The following UTS2 variants were observed in gnomAD, a reference collection of about 807,000 sequenced individuals.
The protein encoded by UTS2 is urotensin 2.
In UTS2, 10 loss-of-function variants were observed where a neutral mutation model predicts 12.6. That is an observed-to-expected ratio of 0.80 (90% CI 0.49 to 1.35). UTS2 has a LOEUF of 1.35. Ranked by LOEUF, UTS2 falls within the 40% of genes most tolerant of loss-of-function variation. UTS2 has a pLI of 0.00. For missense variants in UTS2, 142 were observed against 143.2 expected, an observed-to-expected ratio of 0.99 and a Z score of 0.04; for synonymous variants, 52 against 50.0, an observed-to-expected ratio of 1.04 and a Z score of -0.17.
the UTS2 span, among the ~76,000 whole-genome samples, chr1:7,884,666 C>T: frequency 2.0e-4 from 30 of 152,228 alleles, no homozygotes; most frequent in South Asian, 6.2e-3. Context: ...GACCACTTTT[C>T]CAAAAGATAA....
At chr1:7,881,354 C>T in the UTS2 span, among the ~76,000 whole-genome samples, 1 of 152,104 alleles carries the variant, frequency 6.6e-6, no homozygotes, top group Admixed American at 6.6e-5. Context: ...GAAATTGTCC[C>T]TCTTTGCAGA....
rs369638375 is a variant in UTS2, at chr1:7,853,005, A to T, written c.-2T>A. On this transcript the variant is annotated 5_prime_UTR_variant, in exon 1 of 4. Coordinates refer to ENST00000361696, the MANE Select transcript of UTS2 (RefSeq NM_006786.4). ...ACAGCAGGAGGCCAGCTTATACATG[A>T]TCGCCACAAGATAGACGGCTTCCTT... 1.2e-6 allele frequency: 2 copies of T among 1,610,916 alleles called. No homozygotes were observed. Among genetic ancestry groups the T allele is most frequent in the African/African-American group, 2.7e-5 (2 of 74,680 alleles).
the UTS2 span, among the ~76,000 whole-genome samples, chr1:7,869,114 A>T: frequency 3.9e-5 from 6 of 152,202 alleles, no homozygotes; most frequent in African/African-American, 1.4e-4. Flanking sequence ...GGAAAGAGGG[A>T]TGGAGCTGCA....
chr1:7,878,066 T>C, the UTS2 span, among the ~76,000 whole-genome samples: 1 of 152,192 alleles, frequency 6.6e-6, no homozygotes, highest in Non-Finnish European at 1.5e-5. Flanking sequence ...TCAAGTCACA[T>C]ATAAAAGAAT....
intron 1 of UTS2, among the ~76,000 whole-genome samples, chr1:7,852,355 T>G (rs2097415034): frequency 6.6e-6 from 1 of 152,146 alleles, no homozygotes; most frequent in African/African-American, 2.4e-5. Flanking sequence ...TAAACTGAAT[T>G]AACATAAATC....
At chr1:7,872,321 G>GAAAAAAAAA in the UTS2 span, among the ~76,000 whole-genome samples, 2 of 86,074 alleles carry the variant, frequency 2.3e-5, no homozygotes, top group African/African-American at 9.2e-5. Context: ...AAAAAAAAAG[G>GAAAAAAAAA]AAAAGAAAAA....
At chr1:7,884,567 C>T in the UTS2 span, among the ~76,000 whole-genome samples, 3 of 152,266 alleles carry the variant, frequency 2.0e-5, no homozygotes, top group East Asian at 5.8e-4. Flanking sequence ...TCTTGGTCTC[C>T]CAAAGTGCAG....
the UTS2 span, among the ~76,000 whole-genome samples, chr1:7,863,709 AT>A: frequency 2.0e-5 from 3 of 152,136 alleles, no homozygotes; most frequent in African/African-American, 7.2e-5. Context: ...TATTTATTTT[AT>A]TTAGTTTCCA....
the UTS2 span, among the ~76,000 whole-genome samples, chr1:7,877,126 C>CAAAAAAAAAAAAAAAAAAAAAAA: frequency 6.4e-5 from 4 of 62,822 alleles, no homozygotes; most frequent in East Asian, 5.2e-4. Context: ...GAGACTCTAT[C>CAAAAAAAAAAAAAAAAAAAAAAA]AAAAAAAAAA....
At chr1:7,881,423 A>T in the UTS2 span, among the ~76,000 whole-genome samples, 1 of 152,248 alleles carries the variant, frequency 6.6e-6, no homozygotes, top group African/African-American at 2.4e-5. Context: ...CTTAGAACTG[A>T]TAAGTGAATT....
intron 3 of UTS2, among the ~76,000 whole-genome samples, chr1:7,849,290 C>T (rs1196822994): frequency 2.0e-5 from 3 of 152,158 alleles, no homozygotes; most frequent in Non-Finnish European, 4.4e-5. Context: ...TCTCAGCTCA[C>T]TGCAACCTCT....
chr1:7,855,563 A>G (rs837096), upstream of UTS2, among the ~76,000 whole-genome samples: 147,791 of 152,236 alleles, frequency 0.97, 71,769 homozygotes, highest in East Asian at 1. Context: ...CAGCCTGGGC[A>G]ATATGACAAA....
chr1:7,885,578 T>G, the UTS2 span, among the ~76,000 whole-genome samples: 6 of 151,770 alleles, frequency 4.0e-5, no homozygotes, highest in African/African-American at 1.2e-4. Context: ...TGAGCCTGGA[T>G]AGAGACGGGG....
the UTS2 span, among the ~76,000 whole-genome samples, chr1:7,861,041 CAA>C: frequency 5.8e-4 from 43 of 74,730 alleles, no homozygotes; most frequent in Non-Finnish European, 7.4e-4. Flanking sequence ...GGCCTTATCT[CAA>C]AAAAAAAAAA....
At chr1:7,856,039 C>A (rs1638298715), upstream of UTS2, among the ~76,000 whole-genome samples, 1 of 152,040 alleles carries the variant, frequency 6.6e-6, no homozygotes, top group Non-Finnish European at 1.5e-5. Flanking sequence ...CTATGTTGCC[C>A]AGGCTGGCCT....
At chr1:7,868,298 T>G in the UTS2 span, among the ~76,000 whole-genome samples, 3 of 152,330 alleles carry the variant, frequency 2.0e-5, no homozygotes, top group East Asian at 5.8e-4. Context: ...GGCTGTCTTG[T>G]GGGCACGTGT....
the UTS2 span, among the ~76,000 whole-genome samples, chr1:7,867,022 A>G: frequency 6.6e-6 from 1 of 152,056 alleles, no homozygotes; most frequent in Non-Finnish European, 1.5e-5. Flanking sequence ...GGCATGCATC[A>G]CCACGCCCAG....
upstream of UTS2, among the ~76,000 whole-genome samples, chr1:7,855,682 C>CATT (rs35860049): frequency 8.5e-4 from 126 of 147,622 alleles, no homozygotes; most frequent in Admixed American, 2.4e-3. Flanking sequence ...CACATCTGGC[C>CATT]ATTATTATTA....
At chr1:7,882,605 C>A in the UTS2 span, among the ~76,000 whole-genome samples, 1 of 152,092 alleles carries the variant, frequency 6.6e-6, no homozygotes, top group Admixed American at 6.5e-5. Flanking sequence ...GCAAAGAAAA[C>A]AATCAACAGC....
Sources: allele counts gnomAD v4.1 joint callset (sites outside exome capture counted in the v4.1 genomes callset), GRCh38; gene constraint gnomAD v4.1.1; transcripts MANE v1.5; gene names NCBI Gene and HGNC (gene_info 2026-07-23, HGNC 2026-07-21).